The following NBPF9 variants were observed in gnomAD, a reference collection of about 807,000 sequenced individuals.
The protein encoded by NBPF9 is NBPF family member NBPF9.
In NBPF9, 91 loss-of-function variants were observed where a neutral mutation model predicts 97.8. The observed-to-expected ratio is 0.93, with a 90% CI of 0.79 to 1.11. NBPF9 has a LOEUF of 1.11. Among genes scored for constraint, NBPF9 ranks in the 50% least tolerant of loss-of-function variants. NBPF9 has a pLI of 0.00. For missense variants in NBPF9, 992 were observed against 939.5 expected (o/e 1.06, Z -0.73); for synonymous variants, 334 against 359.5 (o/e 0.93, Z 0.80).
chr1:149,068,218 C>T lies in NBPF9; in HGVS notation c.1637+1376G>A, dbSNP rs1363637618. ...TGACGCTAGGAAGAAACTGCATCAA[C>T]TAACGGGTGAAATAACCAGCTAACA... On this transcript the variant is annotated intron_variant, in intron 17 of 29. Coordinates refer to ENST00000584027, the Ensembl canonical transcript of NBPF9. Among the ~76,000 whole-genome samples the T allele has an allele frequency of 2.7e-5, 4 of 148,822 alleles. 1 individual carries two copies. The highest frequency in any genetic ancestry group is 1.0e-4 in the African/African-American group (4 of 39,774).
intron 5 of NBPF9, among the ~76,000 whole-genome samples, chr1:149,084,565 C>G (rs2080833804): frequency 2.0e-5 from 3 of 150,100 alleles, no homozygotes; most frequent in Non-Finnish European, 3.0e-5. Context: ...GCCCCAGCAG[C>G]AGCGACCAGA....
intron 9 of NBPF9, 92 bp downstream of exon 9, chr1:149,078,915 C>G (rs2080147599): frequency 1.1e-5 from 17 of 1,580,584 alleles, no homozygotes; most frequent in Non-Finnish European, 1.4e-5. Context: ...GAAAAAAACC[C>G]CACTGATACA....
downstream of NBPF9, among the ~76,000 whole-genome samples, chr1:149,052,740 AG>A (rs2077983866): frequency 2.0e-5 from 3 of 150,178 alleles, no homozygotes; most frequent in Admixed American, 6.7e-5. Context: ...CCAATGAATA[AG>A]GGTGTGTTCT....
At chr1:149,080,352 A>G (rs1241859056) in intron 7 of NBPF9, among the ~76,000 whole-genome samples, 197 bp from the exon 8 acceptor site, 2 of 150,200 alleles carry the variant, frequency 1.3e-5, no homozygotes, top group Non-Finnish European at 2.9e-5. Flanking sequence ...AAAGACGAAG[A>G]AAGAGAACCT....
intron 4 of NBPF9, among the ~76,000 whole-genome samples, chr1:149,091,809 AG>A (rs1332772663): frequency 7.7e-6 from 1 of 130,186 alleles, no homozygotes; most frequent in Non-Finnish European, 1.6e-5. Context: ...ATTTCACATT[AG>A]GGGCAGATAA....
At chr1:149,056,040 T>C (rs376482274) in intron 29 of NBPF9, 141 bp from the exon 30 acceptor site, 300 of 1,522,450 alleles carry the variant, frequency 2.0e-4, no homozygotes, top group Non-Finnish European at 2.6e-4. Context: ...AAAAAATTTA[T>C]TGCCTTTATG....
Position 149,062,850 on chromosome 1 carries a change from G to T in NBPF9, c.2078+12C>A. On this transcript the variant is annotated intron_variant, in intron 21 of 29. Coordinates refer to ENST00000584027, the Ensembl canonical transcript of NBPF9. ...AACACAGAATTAAGCATCCATAATT[G>T]CTCAAAGTTACCTGGGGCATGATGG... The T allele has an allele frequency of 1.5e-6, 1 of 666,746 alleles. No homozygotes were observed. Among genetic ancestry groups the T allele is most frequent in the Middle Eastern group, 4.1e-4 (1 of 2,458 alleles). The allele number at this position is 666,746 out of a possible 1,614,324, so 41.3% of individuals were successfully genotyped here.
intron 19 of NBPF9, 70 bp from the exon 20 acceptor site, chr1:149,063,875 C>G: frequency 1.5e-6 from 1 of 681,872 alleles, no homozygotes; most frequent in Non-Finnish European, 2.7e-6. Flanking sequence ...AGCTAGATTT[C>G]ATGGCTAACA....
intron 4 of NBPF9, among the ~76,000 whole-genome samples, chr1:149,095,273 A>G (rs1245356843): frequency 6.6e-6 from 1 of 151,110 alleles, no homozygotes; most frequent in Non-Finnish European, 1.5e-5. Flanking sequence ...CACATGCAAA[A>G]AAATAAATAA....
At chr1:149,087,078 G>A (rs1318144004) in intron 5 of NBPF9, among the ~76,000 whole-genome samples, 2 of 151,910 alleles carry the variant, frequency 1.3e-5, no homozygotes, top group African/African-American at 4.8e-5. Context: ...TTATGGATAT[G>A]TACTGGTATC....
At chr1:149,081,731 A>G (rs1461504968) in intron 7 of NBPF9, among the ~76,000 whole-genome samples, 7 of 136,694 alleles carry the variant, frequency 5.1e-5, no homozygotes, top group Admixed American at 7.5e-5. Flanking sequence ...TTAGAAATCA[A>G]TAACTGTGAG....
intron 7 of NBPF9, among the ~76,000 whole-genome samples, chr1:149,081,094 T>C (rs587763248): frequency 6.6e-6 from 1 of 151,972 alleles, no homozygotes; most frequent in Non-Finnish European, 1.5e-5. Context: ...GGTACTCTCT[T>C]TTATTTTTAT....
intron 15 of NBPF9, 116 bp from the exon 16 acceptor site, chr1:149,071,255 A>G: frequency 7.6e-7 from 1 of 1,319,392 alleles, no homozygotes; most frequent in South Asian, 1.2e-5. Context: ...AGAAAGCAAA[A>G]TGGAGGTTCC....
intron 5 of NBPF9, among the ~76,000 whole-genome samples, chr1:149,089,134 G>A (rs1289014812): frequency 1.3e-5 from 2 of 152,114 alleles, no homozygotes; most frequent in African/African-American, 2.4e-5. Context: ...CTGACAGCAG[G>A]GAGGGCAAAT....
At chr1:149,065,012 T>G (rs1403547353) in intron 18 of NBPF9, 4 of 554,692 alleles carry the variant, frequency 7.2e-6, no homozygotes, top group African/African-American at 3.8e-5. Context: ...GACGGACAGA[T>G]GAGCTAAAAC....
In NBPF9 at chr1:149,082,146, G is replaced by A. The variant is rs781864352; in HGVS notation, c.-7C>T. On this transcript the variant is annotated 5_prime_UTR_variant, in exon 7 of 30. It adds an upstream start codon to the 5' untranslated region. Coordinates refer to ENST00000584027, the Ensembl canonical transcript of NBPF9. ...GGCCGGCTGATACCACCATGCTGAC[G>A]TTTGTGGCAGAAGAGGTGGGGCCAG... 4.5e-5 allele frequency: 72 copies of A among 1,612,008 alleles called. No individual in the cohort carries two copies. In the Middle Eastern group the frequency reaches 6.6e-4, roughly 15 times the overall value.
chr1:149,070,566 C>A (rs1553652683), intron 16 of NBPF9, among the ~76,000 whole-genome samples: 2 of 150,648 alleles, frequency 1.3e-5, no homozygotes, highest in Non-Finnish European at 2.9e-5. Context: ...AAAACAAAGG[C>A]AAGGCTGCCA....
intron 17 of NBPF9, among the ~76,000 whole-genome samples, chr1:149,068,023 A>C (rs1480140432): frequency 3.4e-5 from 5 of 146,532 alleles, no homozygotes; most frequent in Non-Finnish European, 7.4e-5. Flanking sequence ...TATCCAGCCA[A>C]ACAAAGCTTC....
At chr1:149,100,969 A>C in intron 3 of NBPF9, among the ~76,000 whole-genome samples, 1 of 152,002 alleles carries the variant, frequency 6.6e-6, no homozygotes, top group Admixed American at 6.5e-5. Context: ...CTAAAATAAA[A>C]TTGCTATAAG....
Sources: allele counts gnomAD v4.1 joint callset (sites outside exome capture counted in the v4.1 genomes callset), GRCh38; gene constraint gnomAD v4.1.1; transcripts MANE v1.5; gene names NCBI Gene and HGNC (gene_info 2026-07-23, HGNC 2026-07-21).